Variants in MDGA2 observed in about 807,000 individuals in gnomAD.
MDGA2 encodes the protein MAM domain containing glycosylphosphatidylinositol anchor 2.
MDGA2 carries 40 observed loss-of-function variants against 117.8 expected under a neutral mutation model. The ratio of observed to expected loss-of-function variants is 0.34; its 90% CI spans 0.26 to 0.44. MDGA2 has a LOEUF of 0.44. MDGA2 is among the 20% of genes least tolerant of loss of function. The pLI is 1.00. For missense variants in MDGA2, 1,123 were observed against 1,250.6 expected, an observed-to-expected ratio of 0.90 and a Z score of 1.54; for synonymous variants, 452 against 439.0, an observed-to-expected ratio of 1.03 and a Z score of -0.37.
intron 1 of MDGA2, among the ~76,000 whole-genome samples, chr14:47,544,597 A>AT (rs1319482538): frequency 5.9e-5 from 9 of 152,130 alleles, no homozygotes; most frequent in African/African-American, 2.2e-4. Context: ...TGGTTGGTTT[A>AT]TTTTTTGTAC....
intron 1 of MDGA2, among the ~76,000 whole-genome samples, chr14:47,444,880 A>G (rs1184113709): frequency 6.6e-6 from 1 of 152,170 alleles, no homozygotes; most frequent in Non-Finnish European, 1.5e-5. Flanking sequence ...GGAGTTGTAC[A>G]TTGAAATCTT....
intron 1 of MDGA2, among the ~76,000 whole-genome samples, chr14:47,607,629 G>T (rs1221332554): frequency 1.3e-5 from 2 of 152,098 alleles, no homozygotes; most frequent in African/African-American, 4.8e-5. Context: ...GAGGGCAGGG[G>T]GTTAGAGGGT....
At chr14:47,107,167 G>T (rs367842051) in intron 5 of MDGA2, among the ~76,000 whole-genome samples, 34 of 149,392 alleles carry the variant, frequency 2.3e-4, no homozygotes, top group South Asian at 1.5e-3. Context: ...CCCCACTCAA[G>T]GCCAATATCC....
Position 47,131,795 on chromosome 14 carries a change from T to C in MDGA2, c.844A>G (p.Asn282Asp). The C allele has an allele frequency of 6.3e-7, 1 of 1,598,444 alleles. No individual in the cohort carries two copies. The highest frequency in any genetic ancestry group is 8.6e-7 in the Non-Finnish European group (1 of 1,168,432). ...CTCACTGAAGCAATGCAGCTATAAT[T>C]AGCATAGTCCTGAGGTCGAAGATTC... ...LKNLRPQDYA[N>D]YSCIASVRNV... is the part of the protein sequence containing the mutation. The change falls in exon 5 of 17, where the codon AAT becomes GAT. Residue 282 changes from asparagine (N) to aspartate (D), a missense_variant. Physicochemically the swap from Asn to Asp is conservative, Grantham distance 23 (BLOSUM62 1). Transcript: ENST00000399232.
intron 1 of MDGA2, among the ~76,000 whole-genome samples, chr14:47,525,838 G>A (rs1009119338): frequency 6.7e-6 from 1 of 149,694 alleles, no homozygotes; most frequent in South Asian, 2.1e-4. Flanking sequence ...CTTTGGATTT[G>A]TGGCTTAATC....
At chr14:47,366,209 G>T (rs2138380923) in intron 1 of MDGA2, among the ~76,000 whole-genome samples, 1 of 152,304 alleles carries the variant, frequency 6.6e-6, no homozygotes, top group East Asian at 1.9e-4. Context: ...TTGTTGGAGG[G>T]AGGTCAGGAA....
intron 1 of MDGA2, among the ~76,000 whole-genome samples, chr14:47,509,681 G>A (rs1205340692): frequency 1.3e-5 from 2 of 152,156 alleles, no homozygotes; most frequent in African/African-American, 4.8e-5. Flanking sequence ...TATTCCTAAG[G>A]ATTAAGATCT....
intron 1 of MDGA2, among the ~76,000 whole-genome samples, chr14:47,312,915 A>T (rs1287513551): frequency 8.7e-6 from 1 of 114,982 alleles, no homozygotes; most frequent in Non-Finnish European, 1.8e-5. Context: ...TTTAAATTTA[A>T]TTATATATAT....
At chr14:47,432,215 T>C (rs1270571368) in intron 1 of MDGA2, among the ~76,000 whole-genome samples, 2 of 152,024 alleles carry the variant, frequency 1.3e-5, no homozygotes, top group African/African-American at 4.8e-5. Flanking sequence ...TAAAAAATAT[T>C]AAAAATCTAT....
intron 7 of MDGA2, chr14:47,059,320 C>T (rs1467821506): frequency 2.4e-6 from 3 of 1,274,748 alleles, no homozygotes; most frequent in South Asian, 2.5e-5. Flanking sequence ...TAAGTGGGTA[C>T]TTTCCAGGGG....
chr14:46,899,358 A>T (rs750533901), intron 10 of MDGA2, among the ~76,000 whole-genome samples: 4 of 152,036 alleles, frequency 2.6e-5, no homozygotes, highest in Non-Finnish European at 5.9e-5. Flanking sequence ...AGAGGAGTCA[A>T]ATCCAGTCTG....
At chr14:47,521,304 T>A (rs1201276102) in intron 1 of MDGA2, among the ~76,000 whole-genome samples, 1 of 152,200 alleles carries the variant, frequency 6.6e-6, no homozygotes, top group African/African-American at 2.4e-5. Context: ...CAGGGTACCT[T>A]GCAAAGTTCC....
At chr14:47,640,355 T>C (rs954341710) in intron 1 of MDGA2, among the ~76,000 whole-genome samples, 1 of 152,118 alleles carries the variant, frequency 6.6e-6, no homozygotes, top group Non-Finnish European at 1.5e-5. Context: ...TGCCAATTCA[T>C]GCCCTCATTA....
chr14:46,965,494 C>G (rs1329629307), intron 8 of MDGA2, among the ~76,000 whole-genome samples: 1 of 152,086 alleles, frequency 6.6e-6, no homozygotes, highest in Non-Finnish European at 1.5e-5. Context: ...ATTTAAAAGG[C>G]CTTTTATTTA....
At chr14:47,155,639 T>A (rs1883337242) in intron 3 of MDGA2, among the ~76,000 whole-genome samples, 1 of 151,080 alleles carries the variant, frequency 6.6e-6, no homozygotes, top group African/African-American at 2.4e-5. Flanking sequence ...GACCCTGTGG[T>A]TGCTCAAACA....
At chr14:47,183,551 C>T (rs1041070243) in intron 3 of MDGA2, among the ~76,000 whole-genome samples, 17 of 151,962 alleles carry the variant, frequency 1.1e-4, no homozygotes, top group African/African-American at 4.1e-4. Context: ...TTTTAGTGTG[C>T]TCAAATTATG....
intron 1 of MDGA2, among the ~76,000 whole-genome samples, chr14:47,652,906 G>T (rs1872306172): frequency 1.3e-5 from 2 of 152,054 alleles, no homozygotes; most frequent in Non-Finnish European, 2.9e-5. Context: ...AAATCCCTGA[G>T]GAACTGACCT....
At chr14:47,242,919 G>A (rs1051281232) in intron 2 of MDGA2, among the ~76,000 whole-genome samples, 5 of 151,822 alleles carry the variant, frequency 3.3e-5, no homozygotes, top group Non-Finnish European at 5.9e-5. Flanking sequence ...AGTCTGGTGG[G>A]GACGTGGAGA....
chr14:46,839,634 G>GT (rs1880529853), downstream of MDGA2, among the ~76,000 whole-genome samples: 1 of 151,802 alleles, frequency 6.6e-6, no homozygotes, highest in Non-Finnish European at 1.5e-5. Flanking sequence ...TTTGTAAAAC[G>GT]TAAAAGAAAT....
Sources: allele counts gnomAD v4.1 joint callset (sites outside exome capture counted in the v4.1 genomes callset), GRCh38; gene constraint gnomAD v4.1.1; transcripts MANE v1.5; gene names NCBI Gene and HGNC (gene_info 2026-07-23, HGNC 2026-07-21).